CRB1: variants seen among roughly 807,000 people sequenced by gnomAD.
CRB1 encodes the protein crumbs cell polarity complex component 1, also known as protein crumbs homolog 1.
A neutral mutation model predicts 120.0 loss-of-function variants in CRB1; 83 were observed. The ratio of observed to expected loss-of-function variants is 0.69; its 90% CI spans 0.58 to 0.83. CRB1 has a LOEUF of 0.83. Ranked by LOEUF, CRB1 falls within the 40% of genes least tolerant of loss-of-function variation. The pLI is 0.00. For synonymous variants in CRB1, 625 were observed against 612.5 expected, an observed-to-expected ratio of 1.02 and a Z score of -0.30; for missense variants, 1,699 against 1,687.6, an observed-to-expected ratio of 1.01 and a Z score of -0.12.
intron 1 of CRB1, among the ~76,000 whole-genome samples, chr1:197,269,987 G>T (rs1334127822): frequency 2.6e-5 from 4 of 152,108 alleles, no homozygotes; most frequent in Non-Finnish European, 4.4e-5. Flanking sequence ...TTTTTAAGCA[G>T]GTAGACTTTT....
the CRB1 span, among the ~76,000 whole-genome samples, chr1:197,208,657 T>G: frequency 0.35 from 52,766 of 152,004 alleles, 11,551 homozygotes; most frequent in East Asian, 0.76. Context: ...GGTTGTATTT[T>G]TATTAAATGT....
At chr1:197,239,760 AT>A in the CRB1 span, among the ~76,000 whole-genome samples, 75 of 148,266 alleles carry the variant, frequency 5.1e-4, no homozygotes, top group African/African-American at 1.8e-3. Context: ...TAATTTCCCT[AT>A]TTTTTTCTGA....
At chr1:197,469,409 T>A (rs564929726) in intron 11 of CRB1, among the ~76,000 whole-genome samples, 1 of 152,084 alleles carries the variant, frequency 6.6e-6, no homozygotes, top group East Asian at 1.9e-4. Context: ...AGGGAGAGGA[T>A]AATTGGGCCA....
rs142239718 is a variant in CRB1 at position 197,331,913 on chromosome 1, G to C, written c.652+2910G>C. The stretch of plus-strand genomic sequence containing the variant: ...AGGGTGGCCAGGTGTGGTGGCTCAC[G>C]CCTGTAATCCCAGCACTTTCGGAGG... On this transcript the variant is annotated intron_variant, in intron 2 of 11. Coordinates refer to ENST00000367400, the MANE Select transcript of CRB1 (RefSeq NM_201253.3). Among the ~76,000 whole-genome samples the C allele has an allele frequency of 5.1e-3, 775 of 152,204 alleles. 10 individuals are homozygous for C. The highest frequency in any genetic ancestry group is 0.018 in the African/African-American group (727 of 41,518).
At chr1:197,355,741 G>A (rs1009430189) in intron 4 of CRB1, among the ~76,000 whole-genome samples, 52 of 151,904 alleles carry the variant, frequency 3.4e-4, no homozygotes, top group African/African-American at 1.1e-3. Context: ...CCCCGCAAGC[G>A]CCCGTGCAGC....
At chr1:197,415,641 CTTTTTT>C (rs55654070) in intron 5 of CRB1, among the ~76,000 whole-genome samples, 2 of 94,010 alleles carry the variant, frequency 2.1e-5, no homozygotes, top group Admixed American at 1.4e-4. Context: ...TTTTTCTTTT[CTTTTTT>C]TTTTTTTTTT....
the CRB1 span, among the ~76,000 whole-genome samples, chr1:197,237,700 ATGACT>A: frequency 2.0e-5 from 3 of 152,138 alleles, no homozygotes; most frequent in African/African-American, 7.2e-5. Flanking sequence ...ATCAGTAGTG[ATGACT>A]TGTCTTTCAT....
At chr1:197,329,384 G>A (rs994358042) in intron 2 of CRB1, among the ~76,000 whole-genome samples, 1 of 152,176 alleles carries the variant, frequency 6.6e-6, no homozygotes, top group Admixed American at 6.5e-5. Context: ...TGGGAAGGCA[G>A]TTTGGAAGTT....
chr1:197,301,269 G>A (rs1656846362), intron 1 of CRB1, among the ~76,000 whole-genome samples: 1 of 151,740 alleles, frequency 6.6e-6, no homozygotes, highest in African/African-American at 2.4e-5. Context: ...GGGTTCAAAT[G>A]ATTCTCTTGC....
chr1:197,264,575 A>G (rs560038135), upstream of CRB1, among the ~76,000 whole-genome samples: 1 of 149,242 alleles, frequency 6.7e-6, no homozygotes, highest in Non-Finnish European at 1.5e-5. Flanking sequence ...GGTTGTACCA[A>G]TTTACCCATA....
intron 1 of CRB1, among the ~76,000 whole-genome samples, chr1:197,310,425 A>G (rs78507468): frequency 6.6e-6 from 1 of 152,338 alleles, no homozygotes; most frequent in African/African-American, 2.4e-5. Context: ...ATCTCTTGTC[A>G]GGAAGTTGTC....
At chr1:197,378,118 T>C (rs1169925250) in intron 5 of CRB1, among the ~76,000 whole-genome samples, 1 of 152,226 alleles carries the variant, frequency 6.6e-6, no homozygotes, top group Admixed American at 6.5e-5. Flanking sequence ...TTTTACTTCC[T>C]GACATCTCCC....
At chr1:197,429,234 TC>T in intron 7 of CRB1, 1 of 1,393,016 alleles carries the variant, frequency 7.2e-7, no homozygotes, top group Non-Finnish European at 9.6e-7. Context: ...TTATATCTTT[TC>T]TCTCTCTCTG....
chr1:197,290,591 A>G (rs1291910248), intron 1 of CRB1, among the ~76,000 whole-genome samples: 2 of 151,618 alleles, frequency 1.3e-5, no homozygotes, highest in African/African-American at 4.8e-5. Context: ...AGCCAACAGG[A>G]CAGACACAGT....
At position 197,328,518 on chromosome 1, in the gene CRB1, G is replaced by T. The variant is rs1658654421; in HGVS notation, c.167G>T (p.Cys56Phe). ...TTTTCAAAAGACAATGATTGTTCTT[G>T]TTCAGACACAGCCAATAATTTGGAC... ...KDFSKDNDCS[C>F]SDTANNLDKD... Residue 56 changes from cysteine (C) to phenylalanine (F), a missense_variant, in exon 2 of 12, where the codon TGT becomes TTT. Cys to Phe is a radical substitution (Grantham distance 205). Coordinates refer to ENST00000367400, the MANE Select transcript of CRB1 (RefSeq NM_201253.3). The T allele has an allele frequency of 3.1e-6, 5 of 1,614,164 alleles. No individual in the cohort carries two copies. Among genetic ancestry groups the T allele is most frequent in the Non-Finnish European group, 4.2e-6 (5 of 1,180,010 alleles).
chr1:197,315,869 TA>T (rs1284696722), intron 1 of CRB1, among the ~76,000 whole-genome samples: 1 of 152,216 alleles, frequency 6.6e-6, no homozygotes, highest in Non-Finnish European at 1.5e-5. Context: ...TCTTTTCAAA[TA>T]AAATGTTTAA....
the CRB1 span, among the ~76,000 whole-genome samples, chr1:197,255,938 A>T: frequency 7.3e-6 from 1 of 136,668 alleles, no homozygotes; most frequent in African/African-American, 2.6e-5. Flanking sequence ...ATTCAAATTC[A>T]AATGTTCTAT....
chr1:197,227,501 A>C, the CRB1 span, among the ~76,000 whole-genome samples: 1 of 149,816 alleles, frequency 6.7e-6, no homozygotes, highest in South Asian at 2.1e-4. Context: ...CTTTGACTCC[A>C]TGTCTCACAT....
Position 197,269,858 on chromosome 1 carries a change from C to G in CRB1, c.70+1376C>G, listed in dbSNP as rs181804504. Among the ~76,000 whole-genome samples the G allele has an allele frequency of 3.3e-5, 5 of 152,164 alleles. No individual in the cohort carries two copies. The East Asian group carries it at 5.8e-4, about 18-fold the overall frequency. On this transcript the variant is annotated intron_variant, in intron 1 of 11. Coordinates refer to ENST00000367400, the MANE Select transcript of CRB1 (RefSeq NM_201253.3). Reference sequence around the variant, plus strand: ...TAAATATATATCATTTGTTTTTGCTCTCTTTGAGTAAGTGATTTTATTGAT... The same window carrying G: ...TAAATATATATCATTTGTTTTTGCTGTCTTTGAGTAAGTGATTTTATTGAT...
Sources: allele counts gnomAD v4.1 joint callset (sites outside exome capture counted in the v4.1 genomes callset), GRCh38; gene constraint gnomAD v4.1.1; transcripts MANE v1.5; gene names NCBI Gene and HGNC (gene_info 2026-07-23, HGNC 2026-07-21).